Variants in PCDHA2 observed in about 807,000 individuals in gnomAD.
The protein encoded by PCDHA2 is protocadherin alpha 2, also known as protocadherin alpha-2.
A neutral mutation model predicts 66.0 loss-of-function variants in PCDHA2; 58 were observed. The ratio of observed to expected loss-of-function variants is 0.88; its 90% CI spans 0.71 to 1.09. The LOEUF (loss-of-function observed/expected upper bound fraction) is 1.09, where lower values mean the gene tolerates loss of function less well. Ranked by LOEUF, PCDHA2 falls within the 50% of genes least tolerant of loss-of-function variation. The pLI, the probability that PCDHA2 is intolerant of heterozygous loss-of-function variation, is 0.00. For missense variants in PCDHA2, 1,267 were observed against 1,242.3 expected (o/e 1.02, Z -0.30); for synonymous variants, 634 against 554.0 (o/e 1.14, Z -2.03).
chr5:140,966,166 C>T (rs1159533172), intron 1 of PCDHA2: 1 of 179,138 alleles, frequency 5.6e-6, no homozygotes, highest in Non-Finnish European at 1.2e-5. Flanking sequence ...GAGATCTTTT[C>T]CTGGGGAGCT....
rs781892888 is a variant in PCDHA2, at chr5:140,967,565, C to T, written c.2389-11384C>T. Reference sequence around the variant, plus strand: ...CCAGTCCACTTATCGCGTCCAGCTACGGGAGGACTCACCCCCAGGCACATT... The same window carrying T: ...CCAGTCCACTTATCGCGTCCAGCTATGGGAGGACTCACCCCCAGGCACATT... On this transcript the variant is annotated intron_variant, in intron 1 of 3. Transcript: ENST00000526136. The T allele has an allele frequency of 3.1e-6, 5 of 1,614,080 alleles. No individual in the cohort carries two copies. The highest frequency in any genetic ancestry group is 2.7e-5 in the African/African-American group (2 of 75,044).
intron 1 of PCDHA2, among the ~76,000 whole-genome samples, chr5:140,941,216 T>TTTCTTTCTTTCTTTCTTTC (rs2092891567): frequency 8.0e-6 from 1 of 124,950 alleles, no homozygotes; most frequent in East Asian, 2.2e-4. Context: ...TCTTTCTTCC[T>TTTCTTTCTTTCTTTCTTTC]TTCTTTCTTT....
At chr5:140,850,964 C>G (rs1554145138) in intron 1 of PCDHA2, 1 of 1,468,876 alleles carries the variant, frequency 6.8e-7, no homozygotes, top group African/African-American at 1.4e-5. Flanking sequence ...TCCCAGGGGC[C>G]GTTCAAATAG....
rs1554202548 is a variant in PCDHA2 at position 140,925,108 on chromosome 5, G to GGAAGGAAGGAAGGAAGGAAGGAAGGAA, written c.2389-53840_2389-53839insAAGGAAGGAAGGAAGGAAGGAAGGAAG. On this transcript the variant is annotated intron_variant, in intron 1 of 3. Transcript: ENST00000526136. ...AAGGAAGGAAGGAAGGAAGGAAGGA[G>GGAAGGAAGGAAGGAAGGAAGGAAGGAA]GGAAGGAAGGAAGGAAAAAAAATTT... Among the ~76,000 whole-genome samples, 52 of 124,778 alleles carry GGAAGGAAGGAAGGAAGGAAGGAAGGAA rather than the reference G, an allele frequency of 4.2e-4. No individual in the cohort carries two copies. The Middle Eastern group carries it at 0.013, about 31-fold the overall frequency. The allele number at this position is 124,778 out of a possible 152,430, so 81.9% of individuals were successfully genotyped here. A position where few individuals can be genotyped will look rare whatever the true frequency, so the allele number is the denominator to read the frequency against.
At chr5:140,943,479 TAATA>T (rs1447671932) in intron 1 of PCDHA2, among the ~76,000 whole-genome samples, 1 of 151,960 alleles carries the variant, frequency 6.6e-6, no homozygotes, top group African/African-American at 2.4e-5. Context: ...TACAGTAAAA[TAATA>T]AATAGATGCT....
At chr5:140,830,488 A>C in intron 1 of PCDHA2, 1 of 1,494,964 alleles carries the variant, frequency 6.7e-7, no homozygotes, top group Middle Eastern at 1.8e-4. Flanking sequence ...ATGCCAAAGT[A>C]AGTGAATTTT....
rs1007708043 is a variant in PCDHA2 at position 140,967,271 on chromosome 5, A to G, written c.2389-11678A>G. 3.1e-6 allele frequency: 5 copies of G among 1,613,338 alleles called. No individual in the cohort carries two copies. The South Asian group carries it at 5.5e-5, about 18-fold the overall frequency. On this transcript the variant is annotated intron_variant, in intron 1 of 3. Transcript: ENST00000526136. The stretch of plus-strand genomic sequence containing the variant: ...GGTGGCGCCTGGAGCGCGCTTTCAC[A>G]TAGAGAGTGCGCAGGACCCCGACGT...
At chr5:140,889,242 TTC>T (rs1195440878) in intron 1 of PCDHA2, among the ~76,000 whole-genome samples, 1 of 151,892 alleles carries the variant, frequency 6.6e-6, no homozygotes, top group African/African-American at 2.4e-5. Flanking sequence ...CCAGAAAATT[TTC>T]TGTTTCCTGT....
At chr5:140,853,256 C>T (rs943963814) in intron 1 of PCDHA2, 1 of 973,952 alleles carries the variant, frequency 1.0e-6, no homozygotes, top group Non-Finnish European at 1.2e-6. Context: ...TCTATTCTCT[C>T]TCAGAGTACA....
intron 1 of PCDHA2, among the ~76,000 whole-genome samples, chr5:140,948,351 A>C (rs951541212): frequency 6.6e-6 from 1 of 151,646 alleles, no homozygotes; most frequent in African/African-American, 2.4e-5. Flanking sequence ...TTCTAACCTA[A>C]TAAAATGACT....
chr5:140,829,176 A>C lies in PCDHA2; in HGVS notation c.2388+31824A>C. 4.3e-6 allele frequency: 7 copies of C among 1,614,178 alleles called. No homozygotes were observed. In the South Asian group the frequency reaches 6.6e-5, roughly 15 times the overall value. Reference sequence around the variant, plus strand: ...TCCTTATCCTTGCCTGTACGTGAAGACGCTCAATTTGGTACTGTCATCGCC... The same window carrying C: ...TCCTTATCCTTGCCTGTACGTGAAGCCGCTCAATTTGGTACTGTCATCGCC... On this transcript the variant is annotated intron_variant, in intron 1 of 3. Transcript: ENST00000526136.
chr5:140,801,735 T>C (rs371671577), intron 1 of PCDHA2: 15 of 1,613,984 alleles, frequency 9.3e-6, no homozygotes, highest in African/African-American at 2.7e-5. Flanking sequence ...ATATTTTACC[T>C]TGGACGTTAA....
chr5:140,922,441 A>G (rs2080844983), intron 1 of PCDHA2, among the ~76,000 whole-genome samples: 1 of 152,216 alleles, frequency 6.6e-6, no homozygotes, highest in Non-Finnish European at 1.5e-5. Flanking sequence ...GAACTCTCTC[A>G]TTATCCTATT....
intron 1 of PCDHA2, among the ~76,000 whole-genome samples, chr5:140,879,542 GA>G (rs1281717017): frequency 6.6e-6 from 1 of 152,104 alleles, no homozygotes; most frequent in African/African-American, 2.4e-5. Context: ...CTCCTTTAGA[GA>G]AAAAAATAAT....
At chr5:140,822,019 A>G (rs1427056714) in intron 1 of PCDHA2, 3 of 1,614,052 alleles carry the variant, frequency 1.9e-6, no homozygotes, top group African/African-American at 1.3e-5. Flanking sequence ...GCAGAATGGC[A>G]TTTTGTTTGT....
rs782070226 is a variant in PCDHA2 at position 141,010,142 on chromosome 5, C to G, written c.*205C>G. 1 of 1,588,326 alleles carries G rather than the reference C, an allele frequency of 6.3e-7. No homozygotes were observed. Among genetic ancestry groups the G allele is most frequent in the South Asian group, 1.1e-5 (1 of 88,492 alleles). On this transcript the variant is annotated 3_prime_UTR_variant, in exon 4 of 4. Transcript: ENST00000526136. ...TTACTAAGTCTGGTGTTAACTCTTTCTCTCCACTCTGGCTTGTTTTCAGAA... is the reference window on the plus strand; with the variant it reads ...TTACTAAGTCTGGTGTTAACTCTTTGTCTCCACTCTGGCTTGTTTTCAGAA...
At chr5:140,953,258 T>C (rs1042358653) in intron 1 of PCDHA2, among the ~76,000 whole-genome samples, 22 of 152,304 alleles carry the variant, frequency 1.4e-4, no homozygotes, top group African/African-American at 5.3e-4. Context: ...TTAGTTCTTT[T>C]AGCTTTAGCC....
At chr5:140,986,293 CAG>C (rs1447196504) in intron 3 of PCDHA2, among the ~76,000 whole-genome samples, 2 of 152,124 alleles carry the variant, frequency 1.3e-5, no homozygotes, top group Admixed American at 6.5e-5. Flanking sequence ...TGAGACTGAG[CAG>C]AGAGAGAAAA....
intron 2 of PCDHA2, among the ~76,000 whole-genome samples, chr5:140,980,115 G>A (rs1263722649): frequency 6.6e-6 from 1 of 152,142 alleles, no homozygotes; most frequent in African/African-American, 2.4e-5. Flanking sequence ...ATTGGAACCT[G>A]GGTCATAATT....
Sources: allele counts gnomAD v4.1 joint callset (sites outside exome capture counted in the v4.1 genomes callset), GRCh38; gene constraint gnomAD v4.1.1; transcripts MANE v1.5; gene names NCBI Gene and HGNC (gene_info 2026-07-23, HGNC 2026-07-21).